CHD6: variants seen among roughly 807,000 people sequenced by gnomAD.
CHD6 encodes chromodomain helicase DNA binding protein 6, also known as ATP-dependent chromatin remodeler CHD6.
Under a neutral mutation model 276.9 loss-of-function variants are expected in CHD6, and 50 were observed. The ratio of observed to expected loss-of-function variants is 0.18; its 90% CI spans 0.14 to 0.23. The LOEUF is 0.23. Ranked by LOEUF, CHD6 falls within the 10% of genes least tolerant of loss-of-function variation. CHD6 has a pLI of 1.00. For missense variants in CHD6, 2,564 were observed against 3,365.8 expected (o/e 0.76, Z 5.89); for synonymous variants, 1,173 against 1,229.3 (o/e 0.95, Z 0.96).
chr20:41,594,108 A>C (rs546088863), intron 1 of CHD6, among the ~76,000 whole-genome samples: 1 of 152,236 alleles, frequency 6.6e-6, no homozygotes, highest in South Asian at 2.1e-4. Flanking sequence ...TGAAAAAAAC[A>C]CCACATTCAT....
intron 2 of CHD6, among the ~76,000 whole-genome samples, chr20:41,544,407 G>A (rs1236320057): frequency 1.3e-5 from 2 of 152,234 alleles, no homozygotes; most frequent in East Asian, 1.9e-4. Context: ...GACAGGAGAC[G>A]AGGCAATTCC....
chr20:41,561,744 T>C (rs1601143965), intron 1 of CHD6, among the ~76,000 whole-genome samples: 1 of 152,176 alleles, frequency 6.6e-6, no homozygotes, highest in Admixed American at 6.5e-5. Context: ...AGGCTGGAGG[T>C]CAATTTCTCC....
chr20:41,551,836 G>GA (rs1255070685), intron 1 of CHD6, among the ~76,000 whole-genome samples: 1 of 152,096 alleles, frequency 6.6e-6, no homozygotes, highest in East Asian at 1.9e-4. Flanking sequence ...AGTGAGACAG[G>GA]ATTTGGTATA....
In CHD6 at chr20:41,599,201, G is replaced by C. The variant is rs370334367; in HGVS notation, c.-24+19139C>G. 9.8e-4 allele frequency among the ~76,000 whole-genome samples: 150 copies of C among 152,290 alleles called. 1 individual carries two copies. Among genetic ancestry groups the C allele is most frequent in the African/African-American group, 3.5e-3 (144 of 41,552 alleles). ...TAGGTCCTAACAGCCAAATGGCTTG[G>C]GAAAACAGGATAGCCCTGGACATGA... is the stretch of plus-strand genomic sequence containing the variant. On this transcript the variant is annotated intron_variant, in intron 1 of 36. Coordinates refer to ENST00000373233, the MANE Select transcript of CHD6 (RefSeq NM_032221.5).
At chr20:41,521,059 G>A (rs2044381265) in intron 3 of CHD6, among the ~76,000 whole-genome samples, 1 of 152,166 alleles carries the variant, frequency 6.6e-6, no homozygotes, top group Non-Finnish European at 1.5e-5. Flanking sequence ...GGATACAGGA[G>A]GGAGTGACAC....
intron 36 of CHD6, among the ~76,000 whole-genome samples, chr20:41,409,460 C>T (rs976594580): frequency 1.3e-5 from 2 of 152,192 alleles, no homozygotes; most frequent in Non-Finnish European, 2.9e-5. Flanking sequence ...CTAAGAAGAA[C>T]ATCCTCATCA....
At chr20:41,595,286 T>C (rs2045706306) in intron 1 of CHD6, among the ~76,000 whole-genome samples, 1 of 152,078 alleles carries the variant, frequency 6.6e-6, no homozygotes. Context: ...ACCCTGGAAG[T>C]TGAAAGTGTG....
Position 41,499,361 on chromosome 20 carries a change from G to C in CHD6, c.853-4C>G, listed in dbSNP as rs1330621050. 16 of 1,589,178 alleles carry C rather than the reference G, an allele frequency of 1.0e-5. No individual in the cohort carries two copies. Among genetic ancestry groups the C allele is most frequent in the East Asian group, 2.3e-5 (1 of 43,932 alleles). On this transcript the variant is annotated splice_region_variant and splice_polypyrimidine_tract_variant and intron_variant, in intron 5 of 36. Coordinates refer to ENST00000373233, the MANE Select transcript of CHD6 (RefSeq NM_032221.5). ...TTGCATCATCTTCTGGAGGCTCCTG[G>C]GGACAAAGATAAAAAAAAAAGAAAA... is the stretch of plus-strand genomic sequence containing the variant.
intron 1 of CHD6, among the ~76,000 whole-genome samples, chr20:41,553,089 A>G (rs760068593): frequency 7.9e-5 from 12 of 152,368 alleles, no homozygotes; most frequent in South Asian, 6.2e-4. Context: ...AAATTATGTT[A>G]GTACAAGTTT....
At chr20:41,536,941 G>C (rs1471914874) in intron 2 of CHD6, among the ~76,000 whole-genome samples, 1 of 152,060 alleles carries the variant, frequency 6.6e-6, no homozygotes, top group Non-Finnish European at 1.5e-5. Context: ...TATTGGCATG[G>C]CAAACAGGCA....
chr20:41,505,863 G>A (rs529627545), intron 5 of CHD6, among the ~76,000 whole-genome samples: 3 of 151,900 alleles, frequency 2.0e-5, no homozygotes, highest in South Asian at 4.2e-4. Context: ...GAGGTATTTC[G>A]AATTTAAAAT....
intron 1 of CHD6, among the ~76,000 whole-genome samples, chr20:41,617,997 G>C (rs1034428573): frequency 1.4e-5 from 2 of 146,692 alleles, no homozygotes; most frequent in Non-Finnish European, 3.0e-5. Context: ...CCGCGGCCGG[G>C]GTCTGCCCGG....
chr20:41,525,069 C>T lies in CHD6; in HGVS notation c.554+7981G>A, dbSNP rs192708455. Among the ~76,000 whole-genome samples, 499 of 152,272 alleles carry T rather than the reference C, an allele frequency of 3.3e-3. 1 individual carries two copies. The highest frequency in any genetic ancestry group is 0.011 in the African/African-American group (469 of 41,560). On this transcript the variant is annotated intron_variant, in intron 3 of 36. Transcript: ENST00000373233. ...AATACAGGTGCCTGGTGAGGCTCTC[C>T]TCTGCTGCCGAGTAAACTGCTTTCT... is the stretch of plus-strand genomic sequence containing the variant.
chr20:41,484,741 A>G (rs2043372142), intron 14 of CHD6, 134 bp from the exon 15 acceptor site: 1 of 899,894 alleles, frequency 1.1e-6, no homozygotes. Flanking sequence ...AAAGATTATG[A>G]TCGACCCCTG....
At chr20:41,511,339 A>T (rs2044113134) in intron 5 of CHD6, among the ~76,000 whole-genome samples, 1 of 152,216 alleles carries the variant, frequency 6.6e-6, no homozygotes, top group Non-Finnish European at 1.5e-5. Context: ...GCTCTTGGCA[A>T]TAATGCCCCT....
At chr20:41,610,005 T>C (rs1360079873) in intron 1 of CHD6, among the ~76,000 whole-genome samples, 1 of 151,924 alleles carries the variant, frequency 6.6e-6, no homozygotes, top group African/African-American at 2.4e-5. Context: ...TACAGGCATC[T>C]GCCACCATGC....
At chr20:41,483,771 T>C (rs929063519) in intron 15 of CHD6, among the ~76,000 whole-genome samples, 1 of 151,992 alleles carries the variant, frequency 6.6e-6, no homozygotes, top group Non-Finnish European at 1.5e-5. Context: ...AGATACCAAG[T>C]CCTAAGCTGA....
intron 17 of CHD6, among the ~76,000 whole-genome samples, chr20:41,468,848 CTACAAAAAT>C (rs1162022092): frequency 1.3e-5 from 2 of 151,996 alleles, no homozygotes; most frequent in South Asian, 2.1e-4. Flanking sequence ...AACCTCTTCT[CTACAAAAAT>C]TACAAAAATT....
chr20:41,498,708 T>G (rs893853653), intron 6 of CHD6, among the ~76,000 whole-genome samples: 1 of 152,088 alleles, frequency 6.6e-6, no homozygotes, highest in Admixed American at 6.6e-5. Context: ...AGGAGATTCC[T>G]ACAATGGCCC....
Sources: gnomAD v4.1 joint callset for allele counts (sites outside exome capture counted in the v4.1 genomes callset) on GRCh38, gnomAD v4.1.1 for gene constraint, MANE v1.5 for transcripts, NCBI Gene and HGNC (gene_info 2026-07-23, HGNC 2026-07-21) for gene names.